Variants in VPS53 observed in about 807,000 individuals in gnomAD.
VPS53 encodes vacuolar protein sorting-associated protein 53 homolog.
Under a neutral mutation model 107.0 loss-of-function variants are expected in VPS53, and 70 were observed. That is an observed-to-expected ratio of 0.65 (90% CI 0.54 to 0.80). The LOEUF is 0.80. VPS53 is among the 30% of genes least tolerant of loss of function. VPS53 has a pLI of 0.00. For synonymous variants in VPS53, 409 were observed against 393.3 expected, an observed-to-expected ratio of 1.04 and a Z score of -0.47; for missense variants, 917 against 1,049.4, an observed-to-expected ratio of 0.87 and a Z score of 1.74.
In VPS53 at chr17:711,272, G is replaced by A. The variant is rs59273981; in HGVS notation, c.88-659C>T. On this transcript the variant is annotated intron_variant, in intron 1 of 21. Coordinates refer to ENST00000437048, the MANE Select transcript of VPS53 (RefSeq NM_001128159.3). ...TAACAACCTGAAGAACACGCAACAA[G>A]GTGGATGATACAAGCAGCCAAATTA... Among the ~76,000 whole-genome samples, 1,501 of 152,312 alleles carry A rather than the reference G, an allele frequency of 9.9e-3. 25 individuals are homozygous for A. Among genetic ancestry groups the A allele is most frequent in the African/African-American group, 0.034 (1,403 of 41,556 alleles).
intron 10 of VPS53, 101 bp downstream of exon 10, chr17:627,073 A>G: frequency 6.9e-7 from 1 of 1,449,344 alleles, no homozygotes; most frequent in Non-Finnish European, 9.2e-7. Context: ...GGGGTCTGGA[A>G]GTGGCATCAA....
At chr17:681,071 CAT>C (rs768876561) in intron 4 of VPS53, among the ~76,000 whole-genome samples, 4 of 152,156 alleles carry the variant, frequency 2.6e-5, no homozygotes, top group African/African-American at 4.8e-5. Flanking sequence ...GCATAAATTA[CAT>C]GTTTTTTGAA....
chr17:688,196 T>C (rs548562400), intron 4 of VPS53, among the ~76,000 whole-genome samples: 1 of 152,338 alleles, frequency 6.6e-6, no homozygotes, highest in South Asian at 2.1e-4. Context: ...AGGAGGGACC[T>C]GGTGGGAAGT....
At position 628,175 on chromosome 17, in the gene VPS53, T is replaced by C. The variant is rs1969798002; in HGVS notation, c.744A>G (p.Leu248=). 4 of 1,613,996 alleles carry C rather than the reference T, an allele frequency of 2.5e-6. No individual in the cohort carries two copies. Among genetic ancestry groups the C allele is most frequent in the African/African-American group, 2.7e-5 (2 of 74,936 alleles). Residue 248 remains leucine (L), a synonymous_variant, in exon 9 of 22, where the codon CTA becomes CTG. Transcript: ENST00000437048. ...TGATTTCCTGTTTGATCCTGGGATC[T>C]AGAATATTAGCAACCAGACATGCAT... is the stretch of plus-strand genomic sequence containing the variant. ...LRDACLVANI[L]DPRIKQEIIK... is the part of the protein sequence containing the mutation.
chr17:665,282 G>C (rs1971634802), intron 4 of VPS53, among the ~76,000 whole-genome samples: 1 of 152,160 alleles, frequency 6.6e-6, no homozygotes, highest in Non-Finnish European at 1.5e-5. Context: ...GGACGACATG[G>C]TGAGAAGGCG....
intron 10 of VPS53, 125 bp from the exon 11 acceptor site, chr17:623,799 T>G (rs1485936884): frequency 5.7e-6 from 6 of 1,043,788 alleles, no homozygotes; most frequent in Non-Finnish European, 6.6e-6. Context: ...AACCCTGAGG[T>G]CTGTTACCAC....
At chr17:553,913 A>T (rs1189517316) in intron 15 of VPS53, among the ~76,000 whole-genome samples, 1 of 152,132 alleles carries the variant, frequency 6.6e-6, no homozygotes, top group East Asian at 1.9e-4. Context: ...TATCATCGTC[A>T]TTTTACAGAT....
chr17:673,246 AT>A (rs1407038483), intron 4 of VPS53, among the ~76,000 whole-genome samples: 1 of 152,178 alleles, frequency 6.6e-6, no homozygotes, highest in Non-Finnish European at 1.5e-5. Context: ...CCCTCACCAC[AT>A]CCACTGAGGG....
intron 13 of VPS53, among the ~76,000 whole-genome samples, chr17:577,170 G>C (rs921164145): frequency 6.8e-6 from 1 of 147,186 alleles, no homozygotes; most frequent in African/African-American, 2.5e-5. Flanking sequence ...AGAACCTAAT[G>C]CATTTCCAGA....
At chr17:648,626 G>T (rs1395216562) in intron 7 of VPS53, among the ~76,000 whole-genome samples, 1 of 152,004 alleles carries the variant, frequency 6.6e-6, no homozygotes, top group African/African-American at 2.4e-5. Flanking sequence ...TAAAGAGAAA[G>T]AATTGCCATG....
intron 19 of VPS53, among the ~76,000 whole-genome samples, chr17:525,001 A>G (rs1299975996): frequency 6.6e-6 from 1 of 152,246 alleles, no homozygotes; most frequent in Non-Finnish European, 1.5e-5. Flanking sequence ...CGCTATTTAT[A>G]AAAGCAAAAG....
At chr17:613,894 A>T (rs1969016931) in intron 11 of VPS53, among the ~76,000 whole-genome samples, 2 of 152,264 alleles carry the variant, frequency 1.3e-5, no homozygotes, top group Admixed American at 6.5e-5. Context: ...AGCTGATGGA[A>T]GAGACAACAA....
rs566120159 is a variant in VPS53 at position 639,840 on chromosome 17, GGGGGTCAGGGACCCACTTGA to G, written c.609-8232_609-8213del. 5.8e-3 allele frequency among the ~76,000 whole-genome samples: 878 copies of G among 152,340 alleles called. 9 individuals are homozygous for G. The highest frequency in any genetic ancestry group is 0.02 in the African/African-American group (841 of 41,576). On this transcript the variant is annotated intron_variant, in intron 7 of 21. Coordinates refer to ENST00000437048, the MANE Select transcript of VPS53 (RefSeq NM_001128159.3). ...AGGGTGCCTCCCAGTTAGGCTACTC[GGGGGTCAGGGACCCACTTGA>G]GGAGGCAGTCTGTCCATTCTTAGAT...
intron 13 of VPS53, among the ~76,000 whole-genome samples, chr17:574,376 G>C (rs1439757419): frequency 1.3e-5 from 2 of 152,174 alleles, no homozygotes; most frequent in Non-Finnish European, 1.5e-5. Flanking sequence ...CATGTGAAAA[G>C]AGTGGATGCC....
At chr17:669,983 A>T (rs902233186) in intron 4 of VPS53, among the ~76,000 whole-genome samples, 3 of 152,290 alleles carry the variant, frequency 2.0e-5, no homozygotes, top group Admixed American at 6.5e-5. Flanking sequence ...AAACAGAACT[A>T]ATCACTCCCA....
chr17:677,335 T>C (rs915260986), intron 4 of VPS53, among the ~76,000 whole-genome samples: 8 of 152,122 alleles, frequency 5.3e-5, no homozygotes, highest in Non-Finnish European at 1.0e-4. Flanking sequence ...AGAAGTGAAA[T>C]ACACCAGATA....
At chr17:614,111 G>T (rs1051324541) in intron 11 of VPS53, among the ~76,000 whole-genome samples, 2 of 152,216 alleles carry the variant, frequency 1.3e-5, no homozygotes, top group Admixed American at 6.5e-5. Context: ...CCAGGACTGG[G>T]GAAAGAGAAC....
intron 13 of VPS53, among the ~76,000 whole-genome samples, chr17:568,730 T>C (rs966751871): frequency 1.3e-5 from 2 of 152,194 alleles, no homozygotes; most frequent in Non-Finnish European, 2.9e-5. Flanking sequence ...ATACTGAGCA[T>C]GCTAGGACCC....
rs36076034 is a variant in VPS53, at chr17:563,287, C to CTTT, written c.1314-545_1314-543dup. 1.3e-3 allele frequency among the ~76,000 whole-genome samples: 137 copies of CTTT among 103,294 alleles called. 1 individual carries two copies. The highest frequency in any genetic ancestry group is 2.5e-3 in the African/African-American group (64 of 25,174). The allele number at this position is 103,294 out of a possible 152,430, so 67.8% of individuals were successfully genotyped here. A position where few individuals can be genotyped will look rare whatever the true frequency, so the allele number is the denominator to read the frequency against. The stretch of plus-strand genomic sequence containing the variant: ...TACCCATCTCACTGAACTTCATTTC[C>CTTT]TTTTTTTTTTTTTTTTTTTTTTTTT... On this transcript the variant is annotated intron_variant, in intron 13 of 21. Transcript: ENST00000437048.
Sources: gnomAD v4.1 joint callset for allele counts (sites outside exome capture counted in the v4.1 genomes callset) on GRCh38, gnomAD v4.1.1 for gene constraint, MANE v1.5 for transcripts, NCBI Gene and HGNC (gene_info 2026-07-23, HGNC 2026-07-21) for gene names.